MAPK10: variants seen among roughly 807,000 people sequenced by gnomAD.
MAPK10 encodes the protein JNK3 alpha protein kinase.
In MAPK10, 25 loss-of-function variants were observed where a neutral mutation model predicts 59.3. The ratio of observed to expected loss-of-function variants is 0.42; its 90% CI spans 0.31 to 0.59. MAPK10 has a LOEUF of 0.59. Ranked by LOEUF, MAPK10 falls within the 20% of genes least tolerant of loss-of-function variation. The probability of loss-of-function intolerance (pLI) is 0.15; values close to 1 mark genes in which losing one functional copy is unlikely to be tolerated. For synonymous variants in MAPK10, 190 were observed against 200.5 expected (o/e 0.95, Z 0.44); for missense variants, 351 against 568.9 (o/e 0.62, Z 3.90).
intron 1 of MAPK10, among the ~76,000 whole-genome samples, chr4:86,369,330 T>C (rs906879573): frequency 9.9e-5 from 15 of 152,192 alleles, no homozygotes; most frequent in Non-Finnish European, 1.9e-4. Flanking sequence ...TGCTAAAAAT[T>C]TCTAATATTA....
At chr4:86,573,491 A>G (rs548049611) in intron 1 of MAPK10, among the ~76,000 whole-genome samples, 1 of 152,272 alleles carries the variant, frequency 6.6e-6, no homozygotes, top group South Asian at 2.1e-4. Flanking sequence ...TGTCTTGAAT[A>G]CTGCAGCTGA....
At chr4:86,583,321 C>A (rs921861474) in intron 1 of MAPK10, among the ~76,000 whole-genome samples, 1 of 152,002 alleles carries the variant, frequency 6.6e-6, no homozygotes. Flanking sequence ...CCACGCCTGG[C>A]CCCCATATAT....
intron 1 of MAPK10, among the ~76,000 whole-genome samples, chr4:86,487,113 C>G (rs1368113649): frequency 6.6e-6 from 1 of 152,050 alleles, no homozygotes; most frequent in Non-Finnish European, 1.5e-5. Flanking sequence ...AATGCAGGAT[C>G]CTATGCTGGA....
At chr4:86,307,262 G>T (rs1266947013) in intron 2 of MAPK10, among the ~76,000 whole-genome samples, 1 of 152,096 alleles carries the variant, frequency 6.6e-6, no homozygotes, top group African/African-American at 2.4e-5. Flanking sequence ...ACAGTTTCAG[G>T]TGAGTTTTTA....
chr4:86,311,599 TC>T (rs1320194382), intron 2 of MAPK10, among the ~76,000 whole-genome samples: 2 of 152,142 alleles, frequency 1.3e-5, no homozygotes, highest in African/African-American at 2.4e-5. Context: ...TCTAGTAGTT[TC>T]TACCCCAAGT....
At chr4:86,501,348 A>G (rs1755309098) in intron 1 of MAPK10, among the ~76,000 whole-genome samples, 1 of 152,132 alleles carries the variant, frequency 6.6e-6, no homozygotes, top group South Asian at 2.1e-4. Context: ...TTTAATAAGC[A>G]TATATTAATA....
intron 1 of MAPK10, among the ~76,000 whole-genome samples, chr4:86,439,365 G>A (rs1232788311): frequency 6.6e-6 from 1 of 152,012 alleles, no homozygotes; most frequent in East Asian, 1.9e-4. Flanking sequence ...CATATATTAT[G>A]TAGCCTGTTC....
chr4:86,227,888 C>T (rs1425613415), intron 2 of MAPK10, among the ~76,000 whole-genome samples: 1 of 152,110 alleles, frequency 6.6e-6, no homozygotes, highest in Non-Finnish European at 1.5e-5. Flanking sequence ...AGATATAAGA[C>T]ATGCTGACAC....
chr4:86,092,357 ATCTT>A (rs2053407128), intron 9 of MAPK10, among the ~76,000 whole-genome samples: 1 of 152,112 alleles, frequency 6.6e-6, no homozygotes, highest in Non-Finnish European at 1.5e-5. Flanking sequence ...AAGCTCTGTT[ATCTT>A]GAATTACAAA....
At chr4:86,331,649 T>G (rs1364134559) in intron 2 of MAPK10, among the ~76,000 whole-genome samples, 2 of 152,178 alleles carry the variant, frequency 1.3e-5, no homozygotes, top group Non-Finnish European at 2.9e-5. Flanking sequence ...AAAAACGTTC[T>G]CAGTTGGCAT....
intron 1 of MAPK10, chr4:86,593,804 T>TTCCTCTCCCCCATTCTCC (rs1763303657): frequency 6.6e-6 from 1 of 152,230 alleles, no homozygotes; most frequent in Non-Finnish European, 1.5e-5. Context: ...AGCCATGCTC[T>TTCCTCTCCCCCATTCTCC]TCCTCTCCCC....
chr4:86,329,614 G>A (rs1483896048), intron 2 of MAPK10, among the ~76,000 whole-genome samples: 1 of 152,156 alleles, frequency 6.6e-6, no homozygotes, highest in African/African-American at 2.4e-5. Flanking sequence ...TTATGACAGT[G>A]TGACTTTTCT....
chr4:86,576,268 G>A (rs943933965), intron 1 of MAPK10, among the ~76,000 whole-genome samples: 4 of 152,034 alleles, frequency 2.6e-5, no homozygotes, highest in Admixed American at 1.3e-4. Flanking sequence ...ATATTTCTCA[G>A]AAAATGAGGG....
At chr4:86,103,015 G>A (rs2055780477) in intron 6 of MAPK10, 171 bp downstream of exon 6, 1 of 523,438 alleles carries the variant, frequency 1.9e-6, no homozygotes, top group South Asian at 3.1e-5. Context: ...CATATCACTG[G>A]ACCCCTTTCA....
At chr4:86,362,318 A>G (rs1737136669), upstream of MAPK10, among the ~76,000 whole-genome samples, 1 of 152,048 alleles carries the variant, frequency 6.6e-6, no homozygotes, top group Admixed American at 6.6e-5. Context: ...AAGCTAAAAT[A>G]TATAACACTA....
upstream of MAPK10, among the ~76,000 whole-genome samples, chr4:86,360,685 G>C (rs563864507): frequency 1.3e-5 from 2 of 151,958 alleles, no homozygotes; most frequent in African/African-American, 4.8e-5. Flanking sequence ...TTTAATTGCA[G>C]ATAATTTTCT....
chr4:86,192,978 T>A (rs1179323552), intron 3 of MAPK10: 1 of 152,160 alleles, frequency 6.6e-6, no homozygotes, highest in African/African-American at 2.4e-5. Context: ...TCCTTTTTGT[T>A]GATGTTGATG....
At chr4:86,140,398 T>C (rs1364597675) in intron 4 of MAPK10, among the ~76,000 whole-genome samples, 2 of 145,498 alleles carry the variant, frequency 1.4e-5, no homozygotes, top group Admixed American at 6.7e-5. Context: ...ATGGATGAAA[T>C]TGGAAATCAT....
intron 2 of MAPK10, among the ~76,000 whole-genome samples, chr4:86,354,009 C>T (rs1733072498): frequency 6.6e-6 from 1 of 152,064 alleles, no homozygotes; most frequent in South Asian, 2.1e-4. Flanking sequence ...TTTAACATTG[C>T]TTTGTTAAGC....
Sources: gnomAD v4.1 joint callset for allele counts (sites outside exome capture counted in the v4.1 genomes callset) on GRCh38, gnomAD v4.1.1 for gene constraint, MANE v1.5 for transcripts, NCBI Gene and HGNC (gene_info 2026-07-23, HGNC 2026-07-21) for gene names.